Variants in PCDH15 observed in about 807,000 individuals in gnomAD.
PCDH15 encodes the protein protocadherin-15.
In PCDH15, 129 loss-of-function variants were observed where a neutral mutation model predicts 178.5. The ratio of observed to expected loss-of-function variants is 0.72; its 90% confidence interval spans 0.63 to 0.84. The LOEUF (loss-of-function observed/expected upper bound fraction) is 0.84, where lower values mean the gene tolerates loss of function less well. Among genes scored for constraint, PCDH15 ranks in the 40% least tolerant of loss-of-function variants. PCDH15 has a pLI of 0.00. For missense variants in PCDH15, 2,230 were observed against 2,099.9 expected (o/e 1.06, Z -1.21); for synonymous variants, 800 against 732.0 (o/e 1.09, Z -1.50).
chr10:54,366,142 C>A (rs9416326), intron 5 of PCDH15, among the ~76,000 whole-genome samples: 1 of 152,034 alleles, frequency 6.6e-6, no homozygotes, highest in Non-Finnish European at 1.5e-5. Flanking sequence ...ATTTATACTA[C>A]TGCTCCAGTT....
intron 1 of PCDH15, among the ~76,000 whole-genome samples, chr10:54,776,198 T>C (rs1264393793): frequency 1.3e-5 from 2 of 152,184 alleles, no homozygotes; most frequent in Admixed American, 6.5e-5. Context: ...GTTGATTCCA[T>C]ACCATGACAA....
At chr10:54,771,793 T>A (rs911481533) in intron 1 of PCDH15, among the ~76,000 whole-genome samples, 4 of 152,164 alleles carry the variant, frequency 2.6e-5, no homozygotes, top group African/African-American at 9.7e-5. Flanking sequence ...CACTTCCGTC[T>A]TAAAATTTTC....
intron 9 of PCDH15, among the ~76,000 whole-genome samples, chr10:54,222,320 A>G (rs1254127602): frequency 6.6e-6 from 1 of 152,206 alleles, no homozygotes; most frequent in Non-Finnish European, 1.5e-5. Context: ...TTATGATCAA[A>G]TAACTACTTT....
At chr10:55,393,325 C>T (rs1367352893) in intron 2 of PCDH15, among the ~76,000 whole-genome samples, 2 of 152,114 alleles carry the variant, frequency 1.3e-5, no homozygotes, top group South Asian at 2.1e-4. Flanking sequence ...TAACATTAGT[C>T]TAGACACCAC....
At chr10:54,611,958 T>C (rs1026026922) in intron 2 of PCDH15, among the ~76,000 whole-genome samples, 10 of 151,748 alleles carry the variant, frequency 6.6e-5, no homozygotes, top group Non-Finnish European at 1.5e-4. Flanking sequence ...GAGTATAGAG[T>C]GAATAAATAC....
intron 2 of PCDH15, among the ~76,000 whole-genome samples, chr10:54,963,480 C>T (rs185060590): frequency 3.7e-3 from 568 of 152,204 alleles, no homozygotes; most frequent in South Asian, 0.013. Flanking sequence ...AGCAACTCTT[C>T]GTGTAAATTA....
chr10:54,195,109 G>T (rs1442354713), intron 11 of PCDH15, among the ~76,000 whole-genome samples: 1 of 152,156 alleles, frequency 6.6e-6, no homozygotes. Flanking sequence ...GGCTAAGGAG[G>T]TAAAGTGTTC....
chr10:54,018,608 A>C (rs557916122), intron 20 of PCDH15, among the ~76,000 whole-genome samples: 1 of 152,200 alleles, frequency 6.6e-6, no homozygotes, highest in Non-Finnish European at 1.5e-5. Flanking sequence ...TAACCTAACA[A>C]AGTTGGTAAG....
chr10:55,587,277 G>T (rs1228981981), intron 2 of PCDH15, among the ~76,000 whole-genome samples: 3 of 152,036 alleles, frequency 2.0e-5, no homozygotes, highest in Admixed American at 2.0e-4. Flanking sequence ...TGTATGATTT[G>T]TCAAGCAAAT....
intron 6 of PCDH15, among the ~76,000 whole-genome samples, chr10:54,343,783 C>T (rs1942718939): frequency 6.6e-6 from 1 of 150,546 alleles, no homozygotes; most frequent in Non-Finnish European, 1.5e-5. Flanking sequence ...TACCCTAGAA[C>T]TTAAAGTAAA....
At chr10:54,118,302 A>G (rs543752683) in intron 15 of PCDH15, among the ~76,000 whole-genome samples, 1 of 152,318 alleles carries the variant, frequency 6.6e-6, no homozygotes, top group Non-Finnish European at 1.5e-5. Context: ...AAAACTCCCT[A>G]TTAAATCAGC....
intron 3 of PCDH15, among the ~76,000 whole-genome samples, chr10:54,868,307 T>A (rs1564585570): frequency 6.6e-6 from 1 of 152,320 alleles, no homozygotes; most frequent in South Asian, 2.1e-4. Context: ...CTGTGGTCTA[T>A]CTGCAGACAT....
At position 54,640,734 on chromosome 10, in the gene PCDH15, A is replaced by G. The variant is rs141386280; in HGVS notation, c.91+23438T>C. ...TCAGAATAAGAGGAAGAGTGGAAGA[A>G]TTAGAAAAAGAAAAAAAAAATGCCA... On this transcript the variant is annotated intron_variant, in intron 2 of 37. Coordinates refer to ENST00000644397, the MANE Select transcript of PCDH15 (RefSeq NM_001384140.1). Among the ~76,000 whole-genome samples the G allele has an allele frequency of 2.4e-3, 362 of 152,138 alleles. 2 individuals carry two copies. Among genetic ancestry groups the G allele is most frequent in the African/African-American group, 8.2e-3 (340 of 41,492 alleles).
intron 3 of PCDH15, among the ~76,000 whole-genome samples, chr10:54,858,242 C>T (rs905406505): frequency 2.6e-5 from 4 of 152,144 alleles, no homozygotes; most frequent in Admixed American, 2.6e-4. Context: ...ATGACAATTT[C>T]CTTCTTTTTG....
chr10:55,024,069 ACACT>A (rs1295091165), intron 2 of PCDH15, among the ~76,000 whole-genome samples: 2 of 54,748 alleles, frequency 3.7e-5, no homozygotes, highest in Non-Finnish European at 3.5e-5. Context: ...CTGTGTACAC[ACACT>A]CATATATATA....
At chr10:54,151,961 T>C (rs867038520) in intron 14 of PCDH15, among the ~76,000 whole-genome samples, 1 of 152,158 alleles carries the variant, frequency 6.6e-6, no homozygotes. Flanking sequence ...TTATAAAATA[T>C]AAATAATAGA....
intron 2 of PCDH15, among the ~76,000 whole-genome samples, chr10:55,135,921 A>G (rs1477878199): frequency 2.0e-5 from 3 of 152,024 alleles, no homozygotes; most frequent in Non-Finnish European, 4.4e-5. Flanking sequence ...ATTTGTATAT[A>G]GCATCTTGAA....
At chr10:53,905,814 T>G (rs952142298) in intron 25 of PCDH15, among the ~76,000 whole-genome samples, 2 of 152,072 alleles carry the variant, frequency 1.3e-5, no homozygotes, top group Non-Finnish European at 2.9e-5. Context: ...CAAAATATGA[T>G]TATATAACCT....
intron 10 of PCDH15, among the ~76,000 whole-genome samples, chr10:54,197,994 T>C (rs2049846181): frequency 6.6e-6 from 1 of 152,322 alleles, no homozygotes; most frequent in South Asian, 2.1e-4. Flanking sequence ...GTTTACCTTA[T>C]GCATTTAACT....
Sources: allele counts gnomAD v4.1 joint callset (sites outside exome capture counted in the v4.1 genomes callset), GRCh38; gene constraint gnomAD v4.1.1; transcripts MANE v1.5; gene names NCBI Gene and HGNC (gene_info 2026-07-23, HGNC 2026-07-21).